The following HMCES variants were observed in gnomAD, a reference collection of about 807,000 sequenced individuals.
HMCES encodes abasic site processing protein HMCES.
Under a neutral mutation model 35.1 loss-of-function variants are expected in HMCES, and 27 were observed. The observed-to-expected ratio is 0.77, with a 90% CI of 0.57 to 1.06. The LOEUF (loss-of-function observed/expected upper bound fraction) is 1.06, where lower values mean the gene tolerates loss of function less well. Ranked by LOEUF, HMCES falls within the 50% of genes least tolerant of loss-of-function variation. The probability of loss-of-function intolerance (pLI) is 0.00; values close to 1 mark genes in which losing one functional copy is unlikely to be tolerated. For synonymous variants in HMCES, 130 were observed against 154.7 expected, an observed-to-expected ratio of 0.84 and a Z score of 1.18; for missense variants, 391 against 430.4, an observed-to-expected ratio of 0.91 and a Z score of 0.81.
chr3:129,301,210 GAAAA>G (rs71972836), intron 5 of HMCES, among the ~76,000 whole-genome samples: 4 of 95,562 alleles, frequency 4.2e-5, no homozygotes, highest in African/African-American at 2.2e-4. Context: ...AAAAAAAGAA[GAAAA>G]AAAAAAAAAT....
chr3:129,288,142 G>T (rs1288354264), intron 2 of HMCES, among the ~76,000 whole-genome samples: 1 of 152,066 alleles, frequency 6.6e-6, no homozygotes, highest in Non-Finnish European at 1.5e-5. Context: ...GGACATGATG[G>T]TGTGCACCTG....
At chr3:129,284,333 T>C (rs1395805670) in intron 2 of HMCES, among the ~76,000 whole-genome samples, 1 of 152,214 alleles carries the variant, frequency 6.6e-6, no homozygotes, top group Non-Finnish European at 1.5e-5. Flanking sequence ...AAAGAAGATA[T>C]ATACATTGGA....
chr3:129,287,572 C>T (rs1940671460), intron 2 of HMCES, among the ~76,000 whole-genome samples: 1 of 152,134 alleles, frequency 6.6e-6, no homozygotes, highest in African/African-American at 2.4e-5. Flanking sequence ...AGAAGGAAAA[C>T]AGGTGTTGGC....
At chr3:129,287,186 G>A (rs1031356800) in intron 2 of HMCES, among the ~76,000 whole-genome samples, 2 of 150,840 alleles carry the variant, frequency 1.3e-5, no homozygotes, top group Admixed American at 1.3e-4. Flanking sequence ...TATATGTACA[G>A]TGTTTTTGTT....
At position 129,279,138 on chromosome 3, in the gene HMCES, C is replaced by T. The variant is rs1269637741; in HGVS notation, c.-24+233C>T. 3 of 152,156 alleles carry T rather than the reference C, an allele frequency of 2.0e-5. No individual in the cohort carries two copies. In the East Asian group the frequency reaches 5.8e-4, roughly 30 times the overall value. The allele number at this position is 152,156 out of a possible 1,614,324, so 9.4% of individuals were successfully genotyped here. ...GATCGCGGCCGGTGGCTGGGGGCCACCTGCTCCCCGAGCACCGGCCCCCGC... is the reference window on the plus strand; with the variant it reads ...GATCGCGGCCGGTGGCTGGGGGCCATCTGCTCCCCGAGCACCGGCCCCCGC... On this transcript the variant is annotated intron_variant, in intron 1 of 6. Transcript: ENST00000383463. The surrounding 1 kb of genome is among the most constrained non-coding windows in gnomAD (Gnocchi z 4.2).
At position 129,298,422 on chromosome 3, in the gene HMCES, G is replaced by A. The variant is rs747953095; in HGVS notation, c.522G>A (p.Leu174=). The A allele has an allele frequency of 1.9e-5, 30 of 1,614,078 alleles. No individual in the cohort carries two copies. Among genetic ancestry groups the A allele is most frequent in the Non-Finnish European group, 2.2e-5 (26 of 1,180,034 alleles). The stretch of plus-strand genomic sequence containing the variant: ...AAGTCTGGGACAACTGGAGGCTGCT[G>A]ACAATGGCCGGGATCTTTGACTGCT... ...WEKVWDNWRL[L]TMAGIFDCWE... The change falls in exon 5 of 7, where the codon CTG becomes CTA. Residue 174 remains leucine (L), a synonymous_variant. Transcript: ENST00000383463.
intron 5 of HMCES, among the ~76,000 whole-genome samples, chr3:129,300,181 T>C (rs1296349728): frequency 6.7e-6 from 1 of 148,898 alleles, no homozygotes; most frequent in African/African-American, 2.4e-5. Flanking sequence ...TATATATATA[T>C]ATATATATAT....
At chr3:129,293,428 A>G (rs1357955143) in intron 4 of HMCES, among the ~76,000 whole-genome samples, 1 of 152,210 alleles carries the variant, frequency 6.6e-6, no homozygotes, top group African/African-American at 2.4e-5. Flanking sequence ...CTAGTAACAC[A>G]CAAATGATTT....
In HMCES at chr3:129,279,269, C is replaced by A. The variant is rs1006247800; in HGVS notation, c.-24+364C>A. The A allele has an allele frequency of 4.8e-5, 8 of 167,906 alleles. No homozygotes were observed. The highest frequency in any genetic ancestry group is 7.7e-5 in the Non-Finnish European group (6 of 77,876). The allele number at this position is 167,906 out of a possible 1,614,324, so 10.4% of individuals were successfully genotyped here. ...GGGAGGCGGGGATTCTGCACCCCGG[C>A]CCCGGGCCGTCCAGTGGCCGCCCTC... On this transcript the variant is annotated intron_variant, in intron 1 of 6. Transcript: ENST00000383463. The surrounding 1 kb of genome is among the most constrained non-coding windows in gnomAD (Gnocchi z 4.2).
At chr3:129,294,478 T>C (rs767261226) in intron 4 of HMCES, among the ~76,000 whole-genome samples, 2 of 151,996 alleles carry the variant, frequency 1.3e-5, no homozygotes, top group African/African-American at 2.4e-5. Context: ...GCTTACAGCA[T>C]ACATTTTAAG....
intron 5 of HMCES, among the ~76,000 whole-genome samples, chr3:129,301,159 T>G (rs1576994274): frequency 8.0e-6 from 1 of 124,940 alleles, no homozygotes; most frequent in South Asian, 2.5e-4. Flanking sequence ...GCCACTGCAC[T>G]CCAGCCTGGG....
chr3:129,280,720 C>G (rs2107683759), intron 2 of HMCES, among the ~76,000 whole-genome samples: 1 of 152,228 alleles, frequency 6.6e-6, no homozygotes, highest in African/African-American at 2.4e-5. Flanking sequence ...GTTTGGTTAT[C>G]TGAAGTTTAA....
intron 4 of HMCES, among the ~76,000 whole-genome samples, chr3:129,297,164 G>A (rs1371011964): frequency 6.6e-6 from 1 of 152,150 alleles, no homozygotes; most frequent in Non-Finnish European, 1.5e-5. Context: ...TTTCCTGTGA[G>A]CCTGTGCCTT....
intron 5 of HMCES, among the ~76,000 whole-genome samples, chr3:129,299,589 G>T (rs1012636443): frequency 6.0e-5 from 9 of 149,596 alleles, no homozygotes; most frequent in Non-Finnish European, 8.9e-5. Context: ...TGGTATTTAA[G>T]ATTTTATTTA....
chr3:129,279,226 C>T lies in HMCES; in HGVS notation c.-24+321C>T, dbSNP rs1265790621. 6.5e-6 allele frequency: 1 copy of T among 154,966 alleles called. No individual in the cohort carries two copies. Among genetic ancestry groups the T allele is most frequent in the East Asian group, 1.9e-4 (1 of 5,138 alleles). 9.6% of individuals were successfully genotyped at this position (154,966 alleles called of 1,614,324 possible). Reference sequence around the variant, plus strand: ...CAGGTTCGCAGGTCGGGCCCGGGGACGCTGCGGACTAGCGGGCGGGAGGCG... The same window carrying T: ...CAGGTTCGCAGGTCGGGCCCGGGGATGCTGCGGACTAGCGGGCGGGAGGCG... On this transcript the variant is annotated intron_variant, in intron 1 of 6. Transcript: ENST00000383463. This position sits in a 1 kb window ranked among gnomAD's most constrained non-coding sequence, Gnocchi z 4.2.
Position 129,304,796 on chromosome 3 carries a change from C to G in HMCES, c.1036C>G (p.Pro346Ala), listed in dbSNP as rs1015358157. 1.1e-5 allele frequency: 18 copies of G among 1,613,978 alleles called. No individual in the cohort carries two copies. The highest frequency in any genetic ancestry group is 1.5e-5 in the Non-Finnish European group (18 of 1,180,022). ...GCTGAAGCGGGAGAAGGAGGAGGAA[C>G]CTGTGGCCAAGCGTCCTTACAGCCA... ...QWLKREKEEE[P>A]VAKRPYSQ Residue 346 changes from proline (P) to alanine (A), a missense_variant, in exon 7 of 7, where the codon CCT becomes GCT. Coordinates refer to ENST00000383463, the MANE Select transcript of HMCES (RefSeq NM_020187.3).
intron 4 of HMCES, among the ~76,000 whole-genome samples, chr3:129,296,468 T>C (rs2107695160): frequency 6.6e-6 from 1 of 152,364 alleles, no homozygotes; most frequent in Non-Finnish European, 1.5e-5. Flanking sequence ...ACAAGAGTCT[T>C]TGACATTAAT....
At chr3:129,296,788 A>G (rs57532683) in intron 4 of HMCES, among the ~76,000 whole-genome samples, 38,492 of 152,006 alleles carry the variant, frequency 0.25, 8,172 homozygotes, top group African/African-American at 0.58. Flanking sequence ...TTTTTGAGAC[A>G]GAGTCTCCCT....
chr3:129,301,855 T>G, intron 5 of HMCES, 95 bp from the exon 6 acceptor site: 25 of 993,044 alleles, frequency 2.5e-5, no homozygotes, highest in Non-Finnish European at 3.3e-5. Context: ...GCTCCCCTTG[T>G]GATATTTGAG....
Sources: gnomAD v4.1 joint callset for allele counts (sites outside exome capture counted in the v4.1 genomes callset) on GRCh38, gnomAD v4.1.1 for gene constraint, Gnocchi (gnomAD v3.1) non-coding constraint, MANE v1.5 for transcripts, NCBI Gene and HGNC (gene_info 2026-07-23, HGNC 2026-07-21) for gene names.